The following EPYC variants were observed in gnomAD, a reference collection of about 807,000 sequenced individuals.
EPYC encodes epiphycan.
In EPYC, 28 loss-of-function variants were observed where a neutral mutation model predicts 30.1. The ratio of observed to expected loss-of-function variants is 0.93; its 90% CI spans 0.69 to 1.28. EPYC has a LOEUF of 1.28. Ranked by LOEUF, EPYC falls within the 50% of genes most tolerant of loss-of-function variation. EPYC has a pLI of 0.00. For missense variants in EPYC, 382 were observed against 383.5 expected (o/e 1.00, Z 0.03); for synonymous variants, 144 against 141.4 (o/e 1.02, Z -0.13).
chr12:90,988,112 C>T (rs1418182570), intron 2 of EPYC, among the ~76,000 whole-genome samples: 1 of 152,056 alleles, frequency 6.6e-6, no homozygotes, highest in Non-Finnish European at 1.5e-5. Context: ...ACCATTGTTC[C>T]TATTATAACA....
In EPYC at chr12:91,002,574, C is replaced by G. The variant is rs760226927; in HGVS notation, c.-9G>C. The G allele has an allele frequency of 2.2e-5, 35 of 1,597,564 alleles. No homozygotes were observed. Among genetic ancestry groups the G allele is most frequent in the Non-Finnish European group, 4.3e-6 (5 of 1,174,166 alleles). Reference sequence around the variant, plus strand: ...CCTGCTAATGTCTTCATTTTTCAAGCTTTCCTAATTATAAAATATTAAAAT... The same window carrying G: ...CCTGCTAATGTCTTCATTTTTCAAGGTTTCCTAATTATAAAATATTAAAAT... On this transcript the variant is annotated 5_prime_UTR_variant, in exon 2 of 7. Transcript: ENST00000261172.
At chr12:90,980,596 C>T (rs1192011277) in intron 2 of EPYC, among the ~76,000 whole-genome samples, 3 of 152,112 alleles carry the variant, frequency 2.0e-5, no homozygotes. Flanking sequence ...AAAAAATAGT[C>T]CAGGGAAACA....
intron 2 of EPYC, among the ~76,000 whole-genome samples, chr12:90,990,787 C>T (rs1877565288): frequency 6.6e-6 from 1 of 151,764 alleles, no homozygotes; most frequent in Admixed American, 6.6e-5. Context: ...TTTTTGCAGT[C>T]ATTAGCATGA....
chr12:90,971,504 T>TAA lies in EPYC; in HGVS notation c.702+295_702+296insTT, dbSNP rs1295338126. Among the ~76,000 whole-genome samples, 15 of 151,842 alleles carry TAA rather than the reference T, an allele frequency of 9.9e-5. 1 individual carries two copies. The East Asian group carries it at 2.7e-3, about 28-fold the overall frequency. ...AGGAAATATGGCGAAACCATGTCTC[T>TAA]ACAAAAATATACAAAATTTAGCCAG... On this transcript the variant is annotated intron_variant, in intron 5 of 6. Coordinates refer to ENST00000261172, the MANE Select transcript of EPYC (RefSeq NM_004950.5).
intron 2 of EPYC, among the ~76,000 whole-genome samples, chr12:90,986,950 G>A (rs1328484117): frequency 1.3e-5 from 2 of 151,928 alleles, no homozygotes; most frequent in African/African-American, 4.8e-5. Flanking sequence ...TGCTACTCCA[G>A]TATGCCTAGC....
Position 90,971,847 on chromosome 12 carries a change from T to C in EPYC, c.655A>G (p.Ser219Gly). 6.2e-7 allele frequency: 1 copy of C among 1,612,262 alleles called. No individual in the cohort carries two copies. Among genetic ancestry groups the C allele is most frequent in the Non-Finnish European group, 8.5e-7 (1 of 1,179,344 alleles). The change falls in exon 5 of 7, where the codon AGC becomes GGC. Residue 219 changes from serine to glycine, a missense_variant. Physicochemically the swap from Ser to Gly is moderately conservative, Grantham distance 56. Coordinates refer to ENST00000261172, the MANE Select transcript of EPYC (RefSeq NM_004950.5). ...CCTTTCCTTCCAAGTCTATTGTTGC[T>C]AATATCAATAAATGTCAAAGTGGTT... ...LPTTLTFIDI[S>G]NNRLGRKGIK...
chr12:90,967,599 G>A (rs764629850), intron 6 of EPYC, among the ~76,000 whole-genome samples: 16 of 152,162 alleles, frequency 1.1e-4, no homozygotes, highest in Admixed American at 2.0e-4. Flanking sequence ...TTCTGTCGAT[G>A]ACTGTTATGC....
At chr12:90,992,280 T>A (rs1158161660) in intron 2 of EPYC, among the ~76,000 whole-genome samples, 1 of 152,200 alleles carries the variant, frequency 6.6e-6, no homozygotes, top group Non-Finnish European at 1.5e-5. Context: ...GCCGCTCACC[T>A]CCTGCTGTGT....
chr12:90,977,988 T>G, intron 3 of EPYC, 100 bp downstream of exon 3: 1 of 1,115,132 alleles, frequency 9.0e-7, no homozygotes, highest in South Asian at 2.5e-5. Flanking sequence ...AAAACTTTTT[T>G]CTTGGGTCAT....
chr12:90,999,153 G>C (rs1435029063), intron 2 of EPYC, among the ~76,000 whole-genome samples: 1 of 151,976 alleles, frequency 6.6e-6, no homozygotes, highest in African/African-American at 2.4e-5. Context: ...GTGCCATATA[G>C]TATAGCCCAA....
At chr12:90,990,889 C>T (rs370868995) in intron 2 of EPYC, among the ~76,000 whole-genome samples, 2 of 152,106 alleles carry the variant, frequency 1.3e-5, no homozygotes, top group Admixed American at 1.3e-4. Context: ...TTTCTCTCTA[C>T]TTCCAAAATT....
chr12:90,991,425 A>T (rs948406934), intron 2 of EPYC, among the ~76,000 whole-genome samples: 1 of 152,166 alleles, frequency 6.6e-6, no homozygotes, highest in African/African-American at 2.4e-5. Context: ...CTGATGGGAC[A>T]ACATATCCAA....
At chr12:90,997,477 G>C (rs1823923851) in intron 2 of EPYC, among the ~76,000 whole-genome samples, 1 of 151,980 alleles carries the variant, frequency 6.6e-6, no homozygotes, top group African/African-American at 2.4e-5. Context: ...TAGAAAACAA[G>C]TTGAAGCCCC....
chr12:90,986,578 A>G (rs959605181), intron 2 of EPYC, among the ~76,000 whole-genome samples: 1 of 152,104 alleles, frequency 6.6e-6, no homozygotes, highest in Non-Finnish European at 1.5e-5. Context: ...TATGAACCCT[A>G]TTTAATAACC....
chr12:90,968,054 T>C (rs1876944864), intron 6 of EPYC, among the ~76,000 whole-genome samples: 2 of 152,190 alleles, frequency 1.3e-5, no homozygotes, highest in Admixed American at 1.3e-4. Flanking sequence ...CTTTCATTTC[T>C]GATAGTTTTT....
At chr12:91,002,659 G>C in intron 1 of EPYC, 81 bp from the exon 2 acceptor site, 1 of 1,103,856 alleles carries the variant, frequency 9.1e-7, no homozygotes, top group Non-Finnish European at 1.3e-6. Flanking sequence ...TGATAAATTA[G>C]TGTCAATATC....
chr12:91,000,245 C>G (rs1877791540), intron 2 of EPYC, among the ~76,000 whole-genome samples: 1 of 151,992 alleles, frequency 6.6e-6, no homozygotes, highest in Non-Finnish European at 1.5e-5. Flanking sequence ...TCAGAAAGGA[C>G]TCTGTGTAAA....
At chr12:91,003,077 GT>G (rs1877869619) in intron 1 of EPYC, among the ~76,000 whole-genome samples, 1 of 152,056 alleles carries the variant, frequency 6.6e-6, no homozygotes, top group African/African-American at 2.4e-5. Context: ...GTGATCCACA[GT>G]GTGGCTTAGG....
intron 2 of EPYC, among the ~76,000 whole-genome samples, chr12:90,998,538 C>T (rs1201520262): frequency 6.6e-6 from 1 of 151,958 alleles, no homozygotes; most frequent in Admixed American, 6.6e-5. Context: ...ATAAATCTAC[C>T]ACCATCAGTA....
Sources: gnomAD v4.1 joint callset for allele counts (sites outside exome capture counted in the v4.1 genomes callset) on GRCh38, gnomAD v4.1.1 for gene constraint, MANE v1.5 for transcripts, NCBI Gene and HGNC (gene_info 2026-07-23, HGNC 2026-07-21) for gene names.